The following ARHGAP15 variants were observed in gnomAD, a reference collection of about 807,000 sequenced individuals.
The protein encoded by ARHGAP15 is rho GTPase-activating protein 15.
ARHGAP15 carries 51 observed loss-of-function variants against 63.7 expected under a neutral mutation model. The ratio of observed to expected loss-of-function variants is 0.80; its 90% CI spans 0.64 to 1.01. ARHGAP15 has a LOEUF of 1.01. ARHGAP15 is among the 50% of genes least tolerant of loss of function. The probability of loss-of-function intolerance (pLI) is 0.00; values close to 1 mark genes in which losing one functional copy is unlikely to be tolerated. For missense variants in ARHGAP15, 560 were observed against 564.6 expected (o/e 0.99, Z 0.08); for synonymous variants, 191 against 193.8 (o/e 0.99, Z 0.12).
intron 13 of ARHGAP15, among the ~76,000 whole-genome samples, chr2:143,706,966 C>T (rs1367071178): frequency 6.6e-6 from 1 of 152,072 alleles, no homozygotes; most frequent in African/African-American, 2.4e-5. Context: ...GGCAGAGAGG[C>T]AGAGTGAAGA....
intron 8 of ARHGAP15, among the ~76,000 whole-genome samples, chr2:143,441,682 C>G (rs1364604540): frequency 6.6e-6 from 1 of 152,002 alleles, no homozygotes; most frequent in African/African-American, 2.4e-5. Context: ...AGTGTGGAGA[C>G]CTTGGATAAC....
At chr2:143,316,299 A>G (rs1484954600) in intron 6 of ARHGAP15, among the ~76,000 whole-genome samples, 1 of 151,722 alleles carries the variant, frequency 6.6e-6, no homozygotes, top group Non-Finnish European at 1.5e-5. Context: ...GATTTGTTAG[A>G]AATGCAGAAT....
intron 6 of ARHGAP15, among the ~76,000 whole-genome samples, chr2:143,415,433 G>A (rs1285433858): frequency 6.6e-6 from 1 of 151,968 alleles, no homozygotes; most frequent in Non-Finnish European, 1.5e-5. Context: ...ACCTCGAAAT[G>A]CATAAGAAAT....
chr2:143,665,685 A>G (rs1402168750), intron 12 of ARHGAP15, among the ~76,000 whole-genome samples: 102 of 143,106 alleles, frequency 7.1e-4, no homozygotes, highest in African/African-American at 2.5e-3. Context: ...TCTCAGCCCA[A>G]AATCTCCTTA....
chr2:143,178,954 T>C (rs556867117), intron 2 of ARHGAP15, among the ~76,000 whole-genome samples: 33 of 152,352 alleles, frequency 2.2e-4, no homozygotes, highest in African/African-American at 7.0e-4. Context: ...TTGGAGTCTT[T>C]AGAAAGCAAC....
At chr2:143,361,839 A>G (rs1204516836) in intron 6 of ARHGAP15, among the ~76,000 whole-genome samples, 1 of 152,178 alleles carries the variant, frequency 6.6e-6, no homozygotes, top group African/African-American at 2.4e-5. Context: ...TTATTCCAAA[A>G]TGCAAACAGT....
At position 143,635,343 on chromosome 2, in the gene ARHGAP15, A is replaced by G. The variant is rs1441412985; in HGVS notation, c.1138+11076A>G. ...GCTGAGACTACAATCCCAAGTCACC[A>G]TGCCCAGCCTCGTGCTATTTTCAAA... On this transcript the variant is annotated intron_variant, in intron 12 of 13. Transcript: ENST00000295095. 2.0e-5 allele frequency among the ~76,000 whole-genome samples: 3 copies of G among 151,388 alleles called. No homozygotes were observed. In the East Asian group the frequency reaches 5.8e-4, roughly 30 times the overall value.
At chr2:143,457,134 T>G (rs1690696977) in intron 8 of ARHGAP15, among the ~76,000 whole-genome samples, 1 of 152,148 alleles carries the variant, frequency 6.6e-6, no homozygotes, top group Non-Finnish European at 1.5e-5. Flanking sequence ...TCTCAAAGTT[T>G]CCACCAAATA....
chr2:143,560,682 G>T (rs1695983485), intron 11 of ARHGAP15, among the ~76,000 whole-genome samples: 1 of 152,154 alleles, frequency 6.6e-6, no homozygotes, highest in African/African-American at 2.4e-5. Flanking sequence ...TTGGAGTTTT[G>T]CTAAAATTGT....
At chr2:143,261,966 C>G (rs1680745609) in intron 6 of ARHGAP15, among the ~76,000 whole-genome samples, 2 of 152,124 alleles carry the variant, frequency 1.3e-5, no homozygotes, top group Non-Finnish European at 2.9e-5. Context: ...CTGGTTGCCT[C>G]TGGGTGGGGA....
At chr2:143,224,434 G>C (rs1292943527) in intron 4 of ARHGAP15, among the ~76,000 whole-genome samples, 1 of 152,098 alleles carries the variant, frequency 6.6e-6, no homozygotes. Flanking sequence ...ATGTCAAACA[G>C]TATGCCCAGT....
intron 8 of ARHGAP15, among the ~76,000 whole-genome samples, chr2:143,456,808 T>C (rs1690677419): frequency 1.5e-5 from 2 of 137,770 alleles, no homozygotes; most frequent in African/African-American, 5.4e-5. Context: ...TAAGTAATTA[T>C]GTTATTAAAT....
At chr2:143,251,163 G>T (rs1294571814) in intron 6 of ARHGAP15, among the ~76,000 whole-genome samples, 4 of 151,888 alleles carry the variant, frequency 2.6e-5, no homozygotes, top group Non-Finnish European at 5.9e-5. Context: ...CCTTGAGAGA[G>T]ATAAAATTGG....
chr2:143,139,772 A>C (rs149190530), intron 1 of ARHGAP15, among the ~76,000 whole-genome samples: 60 of 152,192 alleles, frequency 3.9e-4, no homozygotes, highest in African/African-American at 1.4e-3. Flanking sequence ...TTAGTACGGA[A>C]CTTTTTTCTT....
At chr2:143,379,007 G>T (rs1686936257) in intron 6 of ARHGAP15, among the ~76,000 whole-genome samples, 1 of 151,458 alleles carries the variant, frequency 6.6e-6, no homozygotes. Context: ...TATTTTTTAA[G>T]TTTTAAAGGT....
chr2:143,727,094 C>A (rs1009873607), intron 13 of ARHGAP15, among the ~76,000 whole-genome samples: 1 of 152,184 alleles, frequency 6.6e-6, no homozygotes, highest in East Asian at 1.9e-4. Flanking sequence ...CTTTGCCTTC[C>A]AACTCCACTG....
At chr2:143,455,505 A>G (rs966720017) in intron 8 of ARHGAP15, among the ~76,000 whole-genome samples, 6 of 152,126 alleles carry the variant, frequency 3.9e-5, no homozygotes, top group Middle Eastern at 3.4e-3. Context: ...TTTTATCCTT[A>G]TTTTACCCAG....
intron 10 of ARHGAP15, among the ~76,000 whole-genome samples, chr2:143,535,058 T>C (rs1379213873): frequency 6.6e-6 from 1 of 152,174 alleles, no homozygotes; most frequent in Non-Finnish European, 1.5e-5. Context: ...GAATAAATTA[T>C]GTTAAAATAA....
At chr2:143,311,164 G>C (rs1390626901) in intron 6 of ARHGAP15, among the ~76,000 whole-genome samples, 1 of 151,942 alleles carries the variant, frequency 6.6e-6, no homozygotes, top group Non-Finnish European at 1.5e-5. Flanking sequence ...AACAATAAAA[G>C]TTGCCCTTGT....
Sources: allele counts gnomAD v4.1 joint callset (sites outside exome capture counted in the v4.1 genomes callset), GRCh38; gene constraint gnomAD v4.1.1; transcripts MANE v1.5; gene names NCBI Gene and HGNC (gene_info 2026-07-23, HGNC 2026-07-21).